Variants in BTBD7 observed in about 807,000 individuals in gnomAD.
BTBD7 encodes BTB/POZ domain-containing protein 7.
Under a neutral mutation model 99.9 loss-of-function variants are expected in BTBD7, and 38 were observed. The observed-to-expected ratio is 0.38, with a 90% CI of 0.29 to 0.50. The LOEUF is 0.50. Among genes scored for constraint, BTBD7 ranks in the 20% least tolerant of loss-of-function variants. BTBD7 has a pLI of 0.93. For missense variants in BTBD7, 1,170 were observed against 1,394.6 expected (o/e 0.84, Z 2.57); for synonymous variants, 520 against 511.4 (o/e 1.02, Z -0.23).
intron 4 of BTBD7, among the ~76,000 whole-genome samples, chr14:93,262,975 A>G (rs2052506429): frequency 6.6e-6 from 1 of 152,154 alleles, no homozygotes; most frequent in African/African-American, 2.4e-5. Context: ...AAAGCAACAT[A>G]CAAAGGAAAA....
intron 7 of BTBD7, among the ~76,000 whole-genome samples, chr14:93,252,495 TACA>T (rs1404572493): frequency 6.7e-6 from 1 of 150,176 alleles, no homozygotes; most frequent in Non-Finnish European, 1.5e-5. Context: ...TAGCTGGGAC[TACA>T]ACAGCACACC....
chr14:93,277,265 AAATT>A (rs1468776188), intron 3 of BTBD7, among the ~76,000 whole-genome samples: 1 of 152,208 alleles, frequency 6.6e-6, no homozygotes, highest in East Asian at 1.9e-4. Flanking sequence ...TTTACTTCAT[AAATT>A]AGTGTTATCT....
At chr14:93,287,549 A>C (rs2052795064) in intron 3 of BTBD7, 1 of 151,786 alleles carries the variant, frequency 6.6e-6, no homozygotes, top group Admixed American at 6.6e-5. Context: ...GGAAATATTC[A>C]TTTCTTCTTT....
In BTBD7 at chr14:93,241,543, T is replaced by C. The variant is rs2052229830; in HGVS notation, c.*730A>G. ...GACCAGAATGTGCAGGGATTCTGACTGCATCCACACTGTGGAAATGTAACA... is the reference window on the plus strand; with the variant it reads ...GACCAGAATGTGCAGGGATTCTGACCGCATCCACACTGTGGAAATGTAACA... On this transcript the variant is annotated 3_prime_UTR_variant, in exon 11 of 11. Transcript: ENST00000334746. 1.3e-5 allele frequency: 2 copies of C among 152,464 alleles called. No individual in the cohort carries two copies. Among genetic ancestry groups the C allele is most frequent in the South Asian group, 2.1e-4 (1 of 4,836 alleles). The allele number at this position is 152,464 out of a possible 1,614,324, so 9.4% of individuals were successfully genotyped here. A position where few individuals can be genotyped will look rare whatever the true frequency, so the allele number is the denominator to read the frequency against.
chr14:93,313,383 AGTT>A (rs2053160699), intron 1 of BTBD7, among the ~76,000 whole-genome samples: 1 of 152,234 alleles, frequency 6.6e-6, no homozygotes, highest in Non-Finnish European at 1.5e-5. Context: ...AAGATTAGTT[AGTT>A]GTTAGGGTTT....
At chr14:93,290,034 T>TA (rs1177454078) in intron 3 of BTBD7, among the ~76,000 whole-genome samples, 8 of 151,906 alleles carry the variant, frequency 5.3e-5, no homozygotes, top group Admixed American at 1.3e-4. Flanking sequence ...TTTTTGTAGT[T>TA]AGAGACGGGG....
chr14:93,262,484 CT>C (rs1479265620), intron 4 of BTBD7, among the ~76,000 whole-genome samples: 3 of 152,174 alleles, frequency 2.0e-5, no homozygotes, highest in Admixed American at 6.5e-5. Context: ...AAGCAACCCA[CT>C]TCCTATTTTA....
In BTBD7 at chr14:93,242,778, G is replaced by T. The variant is rs753934329; in HGVS notation, c.2894C>A (p.Pro965His). The T allele has an allele frequency of 6.2e-7, 1 of 1,614,110 alleles. No homozygotes were observed. Among genetic ancestry groups the T allele is most frequent in the African/African-American group, 1.3e-5 (1 of 74,934 alleles). Residue 965 changes from proline (P) to histidine (H), a missense_variant, in exon 11 of 11, where the codon CCT becomes CAT. Physicochemically the swap from Pro to His is moderately conservative, Grantham distance 77. Transcript: ENST00000334746. ...AAAATATCCACCTTGCGAAGGGGAAGGGGTGCGTCTGCTGAGAGCAGGAGT... is the reference window on the plus strand; with the variant it reads ...AAAATATCCACCTTGCGAAGGGGAATGGGTGCGTCTGCTGAGAGCAGGAGT... The part of the protein sequence containing the change: ...PSTPALSRRT[P>H]SPSQGGYFGP...
In BTBD7 at chr14:93,241,367, G is replaced by C. The variant is rs1387274166; in HGVS notation, c.*906C>G. 1 of 152,290 alleles carries C rather than the reference G, an allele frequency of 6.6e-6. No individual in the cohort carries two copies. Among genetic ancestry groups the C allele is most frequent in the African/African-American group, 2.4e-5 (1 of 41,224 alleles). 9.4% of individuals were successfully genotyped at this position (152,290 alleles called of 1,614,324 possible). On this transcript the variant is annotated 3_prime_UTR_variant, in exon 11 of 11. Coordinates refer to ENST00000334746, the MANE Select transcript of BTBD7 (RefSeq NM_001002860.4). ...GGAGTTTCGCCATGTTGCCCAGGCT[G>C]GTCTTGAACTCCTGAGCTTCAGTGA... is the stretch of plus-strand genomic sequence containing the variant.
intron 3 of BTBD7, among the ~76,000 whole-genome samples, chr14:93,278,934 A>G (rs1211044088): frequency 6.6e-6 from 1 of 152,236 alleles, no homozygotes; most frequent in Non-Finnish European, 1.5e-5. Flanking sequence ...TGCTTGACAC[A>G]GTGCCTGAAA....
chr14:93,301,433 C>T (rs967805404), intron 1 of BTBD7, among the ~76,000 whole-genome samples: 4 of 152,048 alleles, frequency 2.6e-5, no homozygotes, highest in East Asian at 1.9e-4. Flanking sequence ...ACAGGTGATC[C>T]GTCTGCCTTG....
chr14:93,269,627 T>C (rs1383290843), intron 3 of BTBD7, among the ~76,000 whole-genome samples: 1 of 152,240 alleles, frequency 6.6e-6, no homozygotes, highest in Non-Finnish European at 1.5e-5. Context: ...TTTCTTTCTT[T>C]TTAAATTTCC....
chr14:93,258,968 T>C (rs528710509), intron 5 of BTBD7, among the ~76,000 whole-genome samples: 29 of 152,364 alleles, frequency 1.9e-4, no homozygotes, highest in Non-Finnish European at 1.8e-4. Flanking sequence ...ATTTCATCAT[T>C]ACCAACTTTA....
At position 93,261,623 on chromosome 14, in the gene BTBD7, T is replaced by A. The variant is rs1416950944; in HGVS notation, c.1426A>T (p.Met476Leu). Residue 476 changes from methionine (M) to leucine (L), a missense_variant, in exon 5 of 11, where the codon ATG (methionine) becomes TTG (leucine). Physicochemically the swap from Met to Leu is conservative, Grantham distance 15. Coordinates refer to ENST00000334746, the MANE Select transcript of BTBD7 (RefSeq NM_001002860.4). ...TTACCTCTATCTGCTATTCTTTTCA[T>A]CAACTGATGCTCTCCCCATTTAATC... is the stretch of plus-strand genomic sequence containing the variant. ...YLIKWGEHQL[M>L]KRIADREPNL... 25 of 1,611,982 alleles carry A rather than the reference T, an allele frequency of 1.6e-5. No homozygotes were observed. Among genetic ancestry groups the A allele is most frequent in the Non-Finnish European group, 2.0e-5 (24 of 1,179,178 alleles).
rs755337125 is a variant in BTBD7 at position 93,242,459 on chromosome 14, G to C, written c.3213C>G (p.Asn1071Lys). ...ETDLTFGLTP[N>K]RPSLSACSSE... ...AGCTACATGCAGAAAGTGAAGGTCT[G>C]TTAGGAGTCAGCCCAAAAGTCAAGT... The change falls in exon 11 of 11, where the codon AAC (asparagine) becomes AAG (lysine). Residue 1071 changes from asparagine (N) to lysine (K), a missense_variant. Transcript: ENST00000334746. The C allele has an allele frequency of 6.2e-7, 1 of 1,614,238 alleles. No homozygotes were observed. Among genetic ancestry groups the C allele is most frequent in the Admixed American group, 1.7e-5 (1 of 60,032 alleles).
chr14:93,315,379 A>C (rs989446013), intron 1 of BTBD7, among the ~76,000 whole-genome samples: 1 of 152,226 alleles, frequency 6.6e-6, no homozygotes, highest in Admixed American at 6.5e-5. Flanking sequence ...AAATTTTCCA[A>C]ATAACTGGAG....
chr14:93,317,131 G>C (rs992363073), intron 1 of BTBD7, among the ~76,000 whole-genome samples: 3 of 151,840 alleles, frequency 2.0e-5, no homozygotes, highest in African/African-American at 7.3e-5. Flanking sequence ...TCAGCCTCCC[G>C]AGCGGCTAAG....
chr14:93,248,975 T>C (rs1407900045), intron 8 of BTBD7, among the ~76,000 whole-genome samples: 1 of 152,200 alleles, frequency 6.6e-6, no homozygotes, highest in Non-Finnish European at 1.5e-5. Context: ...ATATATTCAT[T>C]CTATTATTCA....
chr14:93,281,474 G>T (rs1427008772), intron 3 of BTBD7, among the ~76,000 whole-genome samples: 1 of 152,126 alleles, frequency 6.6e-6, no homozygotes, highest in Non-Finnish European at 1.5e-5. Context: ...TATCACAGAG[G>T]AGTGAGACTT....
Sources: gnomAD v4.1 joint callset for allele counts (sites outside exome capture counted in the v4.1 genomes callset) on GRCh38, gnomAD v4.1.1 for gene constraint, MANE v1.5 for transcripts, NCBI Gene and HGNC (gene_info 2026-07-23, HGNC 2026-07-21) for gene names.